Variants in SNX29 observed in about 807,000 individuals in gnomAD.
SNX29 encodes sorting nexin-29.
In SNX29, 78 loss-of-function variants were observed where a neutral mutation model predicts 102.1. The observed-to-expected ratio is 0.76, with a 90% CI of 0.64 to 0.92. The LOEUF is 0.92. Ranked by LOEUF, SNX29 falls within the 40% of genes least tolerant of loss-of-function variation. The pLI, the probability that SNX29 is intolerant of heterozygous loss-of-function variation, is 0.00. For missense variants in SNX29, 1,280 were observed against 1,061.7 expected (o/e 1.21, Z -2.86); for synonymous variants, 580 against 414.5 (o/e 1.40, Z -4.85).
At chr16:12,548,240 A>T (rs1194975823) in intron 20 of SNX29, among the ~76,000 whole-genome samples, 2 of 152,076 alleles carry the variant, frequency 1.3e-5, no homozygotes. Context: ...GTTAGGTTAC[A>T]TTTCCTTCCT....
intron 19 of SNX29, among the ~76,000 whole-genome samples, chr16:12,502,351 A>T (rs2089166108): frequency 6.6e-6 from 1 of 152,138 alleles, no homozygotes. Context: ...CATCTCCCTT[A>T]CGAGGGCGCT....
At chr16:12,447,244 TG>T (rs1257660783) in intron 18 of SNX29, among the ~76,000 whole-genome samples, 15 of 150,748 alleles carry the variant, frequency 1.0e-4, no homozygotes, top group African/African-American at 3.7e-4. Context: ...ATACAAACTT[TG>T]ATTCTGAAAG....
At chr16:12,045,157 T>G (rs1037427228) in intron 5 of SNX29, among the ~76,000 whole-genome samples, 5 of 152,210 alleles carry the variant, frequency 3.3e-5, no homozygotes, top group African/African-American at 1.2e-4. Context: ...AGCTTGAGCA[T>G]GTGGTTTGTA....
intron 18 of SNX29, among the ~76,000 whole-genome samples, chr16:12,418,457 G>A (rs905978826): frequency 3.3e-5 from 5 of 151,982 alleles, no homozygotes; most frequent in African/African-American, 1.2e-4. Flanking sequence ...TGGTCTTAGG[G>A]TTTCTGGGCA....
chr16:12,201,915 T>C (rs569854460), intron 14 of SNX29, among the ~76,000 whole-genome samples: 3 of 152,200 alleles, frequency 2.0e-5, no homozygotes, highest in Non-Finnish European at 4.4e-5. Context: ...AGGTTCCATA[T>C]GCCCATTCTC....
intron 13 of SNX29, chr16:12,135,764 A>C (rs2054637081): frequency 2.1e-6 from 1 of 478,114 alleles, no homozygotes; most frequent in Admixed American, 3.3e-5. Context: ...TTTCTCCATT[A>C]TACTCATAAG....
intron 16 of SNX29, among the ~76,000 whole-genome samples, chr16:12,361,445 C>G (rs1051922182): frequency 4.6e-5 from 7 of 152,232 alleles, no homozygotes; most frequent in African/African-American, 1.7e-4. Flanking sequence ...AAATGAATAA[C>G]TGCTGATATT....
chr16:12,454,496 G>A (rs2086449133), intron 18 of SNX29, among the ~76,000 whole-genome samples: 1 of 152,152 alleles, frequency 6.6e-6, no homozygotes, highest in African/African-American at 2.4e-5. Context: ...TGGCGTTTAG[G>A]GACTTATAGT....
At chr16:12,180,524 C>T (rs1232212901) in intron 13 of SNX29, among the ~76,000 whole-genome samples, 2 of 149,936 alleles carry the variant, frequency 1.3e-5, no homozygotes, top group East Asian at 3.9e-4. Flanking sequence ...TGCTCTGTCG[C>T]CCAGGCTGGA....
chr16:12,383,429 C>A (rs2083241516), intron 16 of SNX29, among the ~76,000 whole-genome samples: 1 of 152,246 alleles, frequency 6.6e-6, no homozygotes, highest in African/African-American at 2.4e-5. Flanking sequence ...TGATGAGTCA[C>A]TTTCTTTTTT....
At chr16:12,559,595 G>A (rs975728181) in intron 20 of SNX29, among the ~76,000 whole-genome samples, 3 of 151,800 alleles carry the variant, frequency 2.0e-5, no homozygotes, top group Non-Finnish European at 4.4e-5. Flanking sequence ...TGCCAAAAAG[G>A]TTGGGGACTG....
chr16:12,247,706 C>T (rs1167906650), intron 14 of SNX29, among the ~76,000 whole-genome samples: 2 of 152,188 alleles, frequency 1.3e-5, no homozygotes, highest in African/African-American at 4.8e-5. Context: ...TTTAAAAAGT[C>T]CCACTTCCCA....
intron 15 of SNX29, among the ~76,000 whole-genome samples, chr16:12,349,332 C>A (rs185085761): frequency 6.6e-6 from 1 of 152,338 alleles, no homozygotes; most frequent in East Asian, 1.9e-4. Flanking sequence ...ACTAGAATTC[C>A]CTGAGGATTT....
chr16:12,034,272 T>C (rs1373925040), intron 4 of SNX29, among the ~76,000 whole-genome samples: 1 of 152,210 alleles, frequency 6.6e-6, no homozygotes, highest in Non-Finnish European at 1.5e-5. Context: ...ATCCTTTTGA[T>C]GGTGAGGGGA....
rs1275632038 is a variant in SNX29 at position 12,423,138 on chromosome 16, G to C, written c.2037+19609G>C. On this transcript the variant is annotated intron_variant, in intron 18 of 20. Transcript: ENST00000566228. ...CTACAGGCACAATGCAAGTTCCAAA[G>C]ATGGACCCTCGGCTCGCTAAAGCCA... 3.3e-5 allele frequency among the ~76,000 whole-genome samples: 5 copies of C among 151,982 alleles called. No homozygotes were observed. In the East Asian group the frequency reaches 9.6e-4, roughly 29 times the overall value.
intron 1 of SNX29, among the ~76,000 whole-genome samples, chr16:11,984,236 C>T (rs1030527329): frequency 4.6e-5 from 7 of 151,920 alleles, no homozygotes; most frequent in African/African-American, 1.2e-4. Flanking sequence ...TGGTGCATGC[C>T]CATGGTCCTA....
In SNX29 at chr16:12,559,072, C is replaced by T. The variant is rs545031772; in HGVS notation, c.2319-9434C>T. Reference sequence around the variant, plus strand: ...GTAACTGCAATGTAGAGGTCTACCGCTGTGTCCCCGTGCTCCTTAGTCTAG... The same window carrying T: ...GTAACTGCAATGTAGAGGTCTACCGTTGTGTCCCCGTGCTCCTTAGTCTAG... On this transcript the variant is annotated intron_variant, in intron 20 of 20. Coordinates refer to ENST00000566228, the MANE Select transcript of SNX29 (RefSeq NM_032167.5). 4.6e-5 allele frequency among the ~76,000 whole-genome samples: 7 copies of T among 152,272 alleles called. No homozygotes were observed. In the South Asian group the frequency reaches 1.4e-3, roughly 32 times the overall value.
At chr16:12,374,322 TATA>T (rs1349460282) in intron 16 of SNX29, 8 of 152,204 alleles carry the variant, frequency 5.3e-5, no homozygotes, top group African/African-American at 1.9e-4. Flanking sequence ...TGAGCTGAGC[TATA>T]ATGACTGAAT....
At chr16:12,469,741 T>C (rs2087244758) in intron 18 of SNX29, among the ~76,000 whole-genome samples, 1 of 152,184 alleles carries the variant, frequency 6.6e-6, no homozygotes, top group African/African-American at 2.4e-5. Flanking sequence ...GGGCGCAGGG[T>C]GGCTCACGCC....
Sources: allele counts gnomAD v4.1 joint callset (sites outside exome capture counted in the v4.1 genomes callset), GRCh38; gene constraint gnomAD v4.1.1; transcripts MANE v1.5; gene names NCBI Gene and HGNC (gene_info 2026-07-23, HGNC 2026-07-21).